The following FAT3 variants were observed in gnomAD, a reference collection of about 807,000 sequenced individuals.
The protein encoded by FAT3 is protocadherin Fat 3.
Under a neutral mutation model 310.2 loss-of-function variants are expected in FAT3, and 95 were observed. The observed-to-expected ratio is 0.31, with a 90% CI of 0.26 to 0.36. FAT3 has a LOEUF of 0.36. Among genes scored for constraint, FAT3 ranks in the 10% least tolerant of loss-of-function variants. The pLI, the probability that FAT3 is intolerant of heterozygous loss-of-function variation, is 1.00. For missense variants in FAT3, 5,408 were observed against 5,715.6 expected, an observed-to-expected ratio of 0.95 and a Z score of 1.74; for synonymous variants, 2,314 against 2,192.9, an observed-to-expected ratio of 1.06 and a Z score of -1.54.
At chr11:92,619,228 G>T (rs1940969411) in intron 3 of FAT3, among the ~76,000 whole-genome samples, 1 of 152,052 alleles carries the variant, frequency 6.6e-6, no homozygotes. Flanking sequence ...TTCTTTGCTG[G>T]ATTCAGTTTG....
intron 21 of FAT3, among the ~76,000 whole-genome samples, chr11:92,864,892 A>T (rs10765566): frequency 0.31 from 47,413 of 152,130 alleles, 8,323 homozygotes; most frequent in South Asian, 0.49. Context: ...GTCTTTTTAC[A>T]TTTGCACATT....
rs192660623 is a variant in FAT3, at chr11:92,765,363, A to G, written c.4195+274A>G. On this transcript the variant is annotated intron_variant, in intron 6 of 27. Transcript: ENST00000525166. Reference sequence around the variant, plus strand: ...CTTAATGTCTTTCTGTGTGTCATTTAAATTCTATTGTCACACTTGGCTAAT... The same window carrying G: ...CTTAATGTCTTTCTGTGTGTCATTTGAATTCTATTGTCACACTTGGCTAAT... Among the ~76,000 whole-genome samples, 68 of 152,242 alleles carry G rather than the reference A, an allele frequency of 4.5e-4. No homozygotes were observed. In the East Asian group the frequency reaches 0.012, roughly 26 times the overall value.
At chr11:92,494,903 ATTAT>A (rs1026664449) in intron 2 of FAT3, among the ~76,000 whole-genome samples, 10 of 152,206 alleles carry the variant, frequency 6.6e-5, no homozygotes, top group African/African-American at 2.4e-4. Context: ...TAATACATGA[ATTAT>A]TTGTTTGAAT....
intron 1 of FAT3, among the ~76,000 whole-genome samples, chr11:92,325,509 A>G (rs1160081602): frequency 6.6e-6 from 1 of 151,800 alleles, no homozygotes; most frequent in Non-Finnish European, 1.5e-5. Context: ...GCAGGTAGAC[A>G]TTTTCTCATT....
At chr11:92,314,569 G>C (rs1947387619) in intron 1 of FAT3, among the ~76,000 whole-genome samples, 1 of 152,054 alleles carries the variant, frequency 6.6e-6, no homozygotes, top group East Asian at 1.9e-4. Flanking sequence ...CTGACTTTTG[G>C]CCACAAGCAG....
chr11:92,370,900 A>G (rs557934754), intron 2 of FAT3, among the ~76,000 whole-genome samples: 76 of 152,334 alleles, frequency 5.0e-4, no homozygotes, highest in African/African-American at 1.8e-3. Flanking sequence ...TTGGTAAAAT[A>G]TGTTCAAGAA....
At chr11:92,407,079 G>A (rs1317195251) in intron 2 of FAT3, among the ~76,000 whole-genome samples, 2 of 152,192 alleles carry the variant, frequency 1.3e-5, no homozygotes, top group African/African-American at 2.4e-5. Flanking sequence ...TGTTCTAGCT[G>A]CCAGATACCA....
At chr11:92,478,331 T>C (rs1952102445) in intron 2 of FAT3, among the ~76,000 whole-genome samples, 1 of 152,198 alleles carries the variant, frequency 6.6e-6, no homozygotes, top group Non-Finnish European at 1.5e-5. Context: ...TTTTGTTCCC[T>C]TTTTGTAAAA....
chr11:92,497,989 G>A lies in FAT3; in HGVS notation c.3293-26645G>A, dbSNP rs531622198. Reference sequence around the variant, plus strand: ...TTGTTGTTCCAAATTCACATGCTGAGGCCTGGGGGTAGAGTGGTGTGGCAG... The same window carrying A: ...TTGTTGTTCCAAATTCACATGCTGAAGCCTGGGGGTAGAGTGGTGTGGCAG... On this transcript the variant is annotated intron_variant, in intron 2 of 27. Transcript: ENST00000525166. Among the ~76,000 whole-genome samples, 4 of 152,122 alleles carry A rather than the reference G, an allele frequency of 2.6e-5. No individual in the cohort carries two copies. The South Asian group carries it at 6.2e-4, about 24-fold the overall frequency.
chr11:92,338,463 A>C (rs1948149387), intron 1 of FAT3, among the ~76,000 whole-genome samples: 1 of 152,118 alleles, frequency 6.6e-6, no homozygotes, highest in South Asian at 2.1e-4. Context: ...ATTGTGCTTG[A>C]TTTCACAATG....
chr11:92,622,471 TAGAG>T (rs756602590), intron 3 of FAT3, among the ~76,000 whole-genome samples: 1 of 152,186 alleles, frequency 6.6e-6, no homozygotes, highest in Non-Finnish European at 1.5e-5. Context: ...TACAAGCAAA[TAGAG>T]AGACAGAGGG....
intron 3 of FAT3, among the ~76,000 whole-genome samples, chr11:92,656,474 G>A (rs1271795615): frequency 6.6e-6 from 1 of 152,094 alleles, no homozygotes; most frequent in African/African-American, 2.4e-5. Flanking sequence ...TATAATTCAA[G>A]CCACCTGCTC....
intron 19 of FAT3, among the ~76,000 whole-genome samples, chr11:92,851,132 C>G (rs944042744): frequency 6.6e-6 from 1 of 152,152 alleles, no homozygotes; most frequent in Admixed American, 6.5e-5. Context: ...AAGCCCCAGG[C>G]TTTATTCTGT....
Position 92,626,477 on chromosome 11 carries a change from T to A in FAT3, c.3608-70907T>A, listed in dbSNP as rs562655891. ...AAATTGGCGTAGCGTATCTCTTTTT[T>A]TTTTTTTCCCTTCAAAAAATAACCT... On this transcript the variant is annotated intron_variant, in intron 3 of 27. Transcript: ENST00000525166. Among the ~76,000 whole-genome samples the A allele has an allele frequency of 2.3e-3, 349 of 152,188 alleles. 12 individuals are homozygous for A. The South Asian group carries it at 0.07, about 30-fold the overall frequency.
At chr11:92,280,560 C>G (rs185108572) in intron 1 of FAT3, among the ~76,000 whole-genome samples, 131 of 152,314 alleles carry the variant, frequency 8.6e-4, no homozygotes, top group African/African-American at 3.1e-3. Flanking sequence ...TTTCTGCCAG[C>G]TGCAGCTATC....
rs1321389776 is a variant in FAT3, at chr11:92,483,399, G to A, written c.3293-41235G>A. On this transcript the variant is annotated intron_variant, in intron 2 of 27. Transcript: ENST00000525166. ...CTCCCAGGCTGGAGTGCAATGGCGC[G>A]ATCTCAGCTCACTGCAACCTCTGCC... is the stretch of plus-strand genomic sequence containing the variant. Among the ~76,000 whole-genome samples the A allele has an allele frequency of 4.0e-5, 6 of 151,590 alleles. No individual in the cohort carries two copies. The East Asian group carries it at 9.7e-4, about 24-fold the overall frequency.
At chr11:92,479,524 C>G (rs1047845299) in intron 2 of FAT3, among the ~76,000 whole-genome samples, 2 of 152,172 alleles carry the variant, frequency 1.3e-5, no homozygotes, top group African/African-American at 4.8e-5. Flanking sequence ...GCCTTAAAAT[C>G]TGATAAAATC....
At chr11:92,385,842 A>G (rs1949606926) in intron 2 of FAT3, among the ~76,000 whole-genome samples, 1 of 152,224 alleles carries the variant, frequency 6.6e-6, no homozygotes, top group Admixed American at 6.5e-5. Context: ...ATGAATATGC[A>G]AAACACAAAA....
intron 2 of FAT3, among the ~76,000 whole-genome samples, chr11:92,438,624 A>C (rs889053187): frequency 2.0e-5 from 3 of 152,180 alleles, no homozygotes; most frequent in Non-Finnish European, 4.4e-5. Flanking sequence ...AATCGAAACA[A>C]TTTTGGTTAA....
Sources: allele counts gnomAD v4.1 joint callset (sites outside exome capture counted in the v4.1 genomes callset), GRCh38; gene constraint gnomAD v4.1.1; transcripts MANE v1.5; gene names NCBI Gene and HGNC (gene_info 2026-07-23, HGNC 2026-07-21).